EIF4G3: variants seen among roughly 807,000 people sequenced by gnomAD.
The protein encoded by EIF4G3 is eukaryotic translation initiation factor 4 gamma 3.
A neutral mutation model predicts 186.4 loss-of-function variants in EIF4G3; 34 were observed. The ratio of observed to expected loss-of-function variants is 0.18; its 90% confidence interval spans 0.14 to 0.24. The LOEUF is 0.24. Among genes scored for constraint, EIF4G3 ranks in the 10% least tolerant of loss-of-function variants. The pLI, the probability that EIF4G3 is intolerant of heterozygous loss-of-function variation, is 1.00. For synonymous variants in EIF4G3, 673 were observed against 679.5 expected (o/e 0.99, Z 0.15); for missense variants, 1,536 against 1,948.5 (o/e 0.79, Z 3.99).
intron 7 of EIF4G3, among the ~76,000 whole-genome samples, chr1:20,990,842 C>T (rs1255000998): frequency 6.6e-6 from 1 of 152,248 alleles, no homozygotes; most frequent in East Asian, 1.9e-4. Context: ...TGGTCTGAAA[C>T]CAAGTCTGCA....
chr1:21,066,020 T>A (rs1163629423), intron 3 of EIF4G3, among the ~76,000 whole-genome samples: 1 of 151,918 alleles, frequency 6.6e-6, no homozygotes, highest in Non-Finnish European at 1.5e-5. Context: ...CTAATAAAAA[T>A]ACAAAAATTA....
intron 6 of EIF4G3, 86 bp from the exon 7 acceptor site, chr1:20,997,719 T>A: frequency 9.1e-7 from 1 of 1,102,530 alleles, no homozygotes; most frequent in Non-Finnish European, 1.3e-6. Flanking sequence ...TCACACAATA[T>A]GCCAAAAGAA....
chr1:21,141,202 G>A (rs950894854), intron 2 of EIF4G3, among the ~76,000 whole-genome samples: 1 of 151,982 alleles, frequency 6.6e-6, no homozygotes, highest in Non-Finnish European at 1.5e-5. Flanking sequence ...CTACATAAAC[G>A]AAGAGGTGTC....
chr1:20,823,750 A>C (rs1199729531), intron 33 of EIF4G3, among the ~76,000 whole-genome samples: 1 of 152,036 alleles, frequency 6.6e-6, no homozygotes, highest in Non-Finnish European at 1.5e-5. Flanking sequence ...TCTTTCTTTT[A>C]CTATAGTGTT....
intron 11 of EIF4G3, among the ~76,000 whole-genome samples, chr1:20,972,502 C>T (rs1392870649): frequency 2.6e-5 from 4 of 152,072 alleles, no homozygotes; most frequent in African/African-American, 9.7e-5. Context: ...GGCCTGGTGG[C>T]TTGTGCCTGT....
At chr1:20,847,241 A>G (rs79433316) in intron 29 of EIF4G3, among the ~76,000 whole-genome samples, 1,940 of 152,328 alleles carry the variant, frequency 0.013, 21 homozygotes, top group East Asian at 0.022. Flanking sequence ...TACATGCCGA[A>G]TATGTACAAC....
At chr1:20,826,334 T>C (rs1244800402) in intron 32 of EIF4G3, among the ~76,000 whole-genome samples, 1 of 150,424 alleles carries the variant, frequency 6.6e-6, no homozygotes, top group African/African-American at 2.4e-5. Context: ...GCCTGGCTAA[T>C]TTTTGTATTT....
At chr1:20,855,441 T>C (rs757153005) in intron 25 of EIF4G3, among the ~76,000 whole-genome samples, 1 of 152,228 alleles carries the variant, frequency 6.6e-6, no homozygotes, top group Non-Finnish European at 1.5e-5. Context: ...AATTCATTAG[T>C]GTCTTTACAT....
At chr1:21,045,238 T>G (rs1557683210) in intron 4 of EIF4G3, among the ~76,000 whole-genome samples, 1 of 152,150 alleles carries the variant, frequency 6.6e-6, no homozygotes, top group Non-Finnish European at 1.5e-5. Flanking sequence ...TCCCGGAAGC[T>G]GGATAAAGCA....
At chr1:20,914,107 CT>C (rs796225828) in intron 14 of EIF4G3, among the ~76,000 whole-genome samples, 42 of 145,342 alleles carry the variant, frequency 2.9e-4, no homozygotes, top group South Asian at 6.5e-4. Flanking sequence ...CACGCCCTGC[CT>C]TTTTTTTTTT....
Position 20,813,236 on chromosome 1 carries a change from T to C in EIF4G3, c.4519A>G (p.Asn1507Asp). ...DEQIFDWVEA[N>D]LDEIQMSSPT... ...GAACTCATCTGGATTTCGTCTAGAT[T>C]AGCCTGAAGTCAAAAAGAAATAAAA... The change falls in exon 35 of 37, where the codon AAT (asparagine) becomes GAT (aspartate). Residue 1507 changes from asparagine to aspartate, a missense_variant. This residue lies in a region of EIF4G3 where 395 missense variants were observed against 498.9 expected (regional missense o/e 0.79). Transcript: ENST00000602326. 1.2e-6 allele frequency: 2 copies of C among 1,611,502 alleles called. No homozygotes were observed. The highest frequency in any genetic ancestry group is 1.1e-5 in the South Asian group (1 of 91,000).
At chr1:21,157,739 G>A (rs560136587) in intron 2 of EIF4G3, among the ~76,000 whole-genome samples, 1 of 152,254 alleles carries the variant, frequency 6.6e-6, no homozygotes, top group Non-Finnish European at 1.5e-5. Context: ...TTGTGCACCT[G>A]CTAAGAATCA....
At chr1:21,047,536 A>T (rs572959891) in intron 4 of EIF4G3, among the ~76,000 whole-genome samples, 44 of 152,004 alleles carry the variant, frequency 2.9e-4, no homozygotes, top group Non-Finnish European at 5.3e-4. Context: ...CCTAAAAACC[A>T]TTTACTTCCC....
Position 20,807,184 on chromosome 1 carries a change from T to C in EIF4G3, c.*135A>G. The C allele has an allele frequency of 3.0e-6, 2 of 677,236 alleles. No homozygotes were observed. The highest frequency in any genetic ancestry group is 4.6e-6 in the Non-Finnish European group (2 of 439,250). The allele number at this position is 677,236 out of a possible 1,614,324, so 42.0% of individuals were successfully genotyped here. ...CTCCATGATCACCTTTTTTTCTCTT[T>C]CCCCTCTCCCACTCGTGCACACGTG... On this transcript the variant is annotated 3_prime_UTR_variant, in exon 37 of 37. Transcript: ENST00000602326.
chr1:20,960,820 C>T (rs961415495), intron 12 of EIF4G3, among the ~76,000 whole-genome samples: 2 of 152,070 alleles, frequency 1.3e-5, no homozygotes, highest in Non-Finnish European at 2.9e-5. Flanking sequence ...ATTAACAAAG[C>T]TAAAACACAA....
Position 20,849,002 on chromosome 1 carries a change from G to A in EIF4G3, c.3888+413C>T, listed in dbSNP as rs983329221. Among the ~76,000 whole-genome samples, 32 of 132,198 alleles carry A rather than the reference G, an allele frequency of 2.4e-4. 1 individual carries two copies. Among genetic ancestry groups the A allele is most frequent in the African/African-American group, 8.9e-5 (3 of 33,894 alleles). The allele number at this position is 132,198 out of a possible 152,430, so 86.7% of individuals were successfully genotyped here. ...GCGGAGGTTGCAGTGAGCCGAGATC[G>A]TGCCACTGCACTCCAGCCTGGGCAA... On this transcript the variant is annotated intron_variant, in intron 29 of 36. Coordinates refer to ENST00000602326, the MANE Select transcript of EIF4G3 (RefSeq NM_001391906.1).
chr1:20,910,409 T>A (rs1572626350), intron 14 of EIF4G3, among the ~76,000 whole-genome samples: 1 of 151,698 alleles, frequency 6.6e-6, no homozygotes, highest in Non-Finnish European at 1.5e-5. Flanking sequence ...CATAGTGAAA[T>A]CCCATCTCTA....
intron 2 of EIF4G3, among the ~76,000 whole-genome samples, chr1:21,107,660 C>A (rs1320842950): frequency 1.3e-5 from 2 of 152,148 alleles, no homozygotes; most frequent in Non-Finnish European, 2.9e-5. Flanking sequence ...TACAGCTATT[C>A]ATACAAGTTA....
rs756914929 is a variant in EIF4G3, at chr1:20,892,660, G to A, written c.2253+857C>T. The A allele has an allele frequency of 4.5e-5, 69 of 1,536,014 alleles. No individual in the cohort carries two copies. The East Asian group carries it at 1.6e-3, about 36-fold the overall frequency. On this transcript the variant is annotated intron_variant, in intron 18 of 36. Coordinates refer to ENST00000602326, the MANE Select transcript of EIF4G3 (RefSeq NM_001391906.1). ...TTCATGGGTGGGTGTGACATCACCA[G>A]TGGAGGGCAAGTTGGGGCTTTGCTC...
Sources: gnomAD v4.1 joint callset for allele counts (sites outside exome capture counted in the v4.1 genomes callset) on GRCh38, gnomAD v4.1.1 for gene constraint, gnomAD v4.1.1 regional missense constraint, MANE v1.5 for transcripts, NCBI Gene and HGNC (gene_info 2026-07-23, HGNC 2026-07-21) for gene names.